The following KCNQ2 variants were observed in gnomAD, a reference collection of about 807,000 sequenced individuals.
KCNQ2 encodes the protein potassium voltage-gated channel subfamily KQT member 2.
A neutral mutation model predicts 84.8 loss-of-function variants in KCNQ2; 14 were observed. The observed-to-expected ratio is 0.17, with a 90% CI of 0.11 to 0.26. The LOEUF (loss-of-function observed/expected upper bound fraction) is 0.26, where lower values mean the gene tolerates loss of function less well. KCNQ2 is among the 10% of genes least tolerant of loss of function. KCNQ2 has a pLI of 1.00. For synonymous variants in KCNQ2, 599 were observed against 554.1 expected, an observed-to-expected ratio of 1.08 and a Z score of -1.14; for missense variants, 788 against 1,254.0, an observed-to-expected ratio of 0.63 and a Z score of 5.61.
chr20:63,416,783 T>TA (rs937416052), intron 12 of KCNQ2, among the ~76,000 whole-genome samples: 1 of 151,824 alleles, frequency 6.6e-6, no homozygotes, highest in Non-Finnish European at 1.5e-5. Flanking sequence ...GGCACAGAGA[T>TA]AACCAGCCAC....
In KCNQ2 at chr20:63,414,625, G is replaced by T. The variant is rs1275501170; in HGVS notation, c.1525+278C>A. Reference sequence around the variant, plus strand: ...GGGGAATGGGGTGACTACTGATGGGGTCATGGTTTCCTTCTGTGGTGATGA... The same window carrying T: ...GGGGAATGGGGTGACTACTGATGGGTTCATGGTTTCCTTCTGTGGTGATGA... On this transcript the variant is annotated intron_variant, in intron 13 of 16. Transcript: ENST00000359125. The surrounding 1 kb of genome is among the most constrained non-coding windows in gnomAD (Gnocchi z 6.6). Among the ~76,000 whole-genome samples the T allele has an allele frequency of 2.0e-5, 3 of 151,844 alleles. No individual in the cohort carries two copies. The highest frequency in any genetic ancestry group is 4.4e-5 in the Non-Finnish European group (3 of 67,990).
chr20:63,444,821 G>T lies in KCNQ2; in HGVS notation c.528C>A (p.Leu176=). The change falls in exon 4 of 17, where the codon CTC becomes CTA. Residue 176 remains leucine, a synonymous_variant. Transcript: ENST00000359125. ...KPFCVIDIMV[L]IASIAVLAAG... Reference sequence around the variant, plus strand: ...CGGCCAGCACCGCAATGGAGGCGATGAGCACCATGATGTCTACAAAGCGGG... The same window carrying T: ...CGGCCAGCACCGCAATGGAGGCGATTAGCACCATGATGTCTACAAAGCGGG... The T allele has an allele frequency of 6.2e-7, 1 of 1,601,220 alleles. No homozygotes were observed. The highest frequency in any genetic ancestry group is 2.3e-5 in the East Asian group (1 of 44,402).
At chr20:63,423,867 G>A (rs1236132470) in intron 11 of KCNQ2, 2 of 495,324 alleles carry the variant, frequency 4.0e-6, no homozygotes, top group Non-Finnish European at 7.3e-6. Context: ...GAGACCCCCT[G>A]CCTCCGAGAA....
In KCNQ2 at chr20:63,438,165, C is replaced by A. The variant is rs2081060180; in HGVS notation, c.1023+460G>T. 8.4e-6 allele frequency: 2 copies of A among 237,074 alleles called. No homozygotes were observed. The highest frequency in any genetic ancestry group is 1.7e-5 in the Non-Finnish European group (2 of 117,798). The allele number at this position is 237,074 out of a possible 1,614,324, so 14.7% of individuals were successfully genotyped here. The stretch of plus-strand genomic sequence containing the variant: ...AATTACTTGTGGATGCCACAGTGGT[C>A]ACTGCACGCTACCCACCCCCAAATG... On this transcript the variant is annotated intron_variant, in intron 7 of 16. Transcript: ENST00000359125. The surrounding 1 kb of genome is among the most constrained non-coding windows in gnomAD (Gnocchi z 5.1).
At position 63,432,193 on chromosome 20, in the gene KCNQ2, C is replaced by T. The variant is rs1278034166; in HGVS notation, c.1119-824G>A. Among the ~76,000 whole-genome samples the T allele has an allele frequency of 3.4e-5, 5 of 148,750 alleles. 1 individual carries two copies. The East Asian group carries it at 8.0e-4, about 24-fold the overall frequency. ...GGCCACACCCACAGGGAAGGCTCCA[C>T]CCTCTGGGAAGGATCCACCCACAGG... On this transcript the variant is annotated intron_variant, in intron 8 of 16. Coordinates refer to ENST00000359125, the MANE Select transcript of KCNQ2 (RefSeq NM_172107.4).
chr20:63,432,439 G>A, intron 8 of KCNQ2, among the ~76,000 whole-genome samples: 1 of 145,018 alleles, frequency 6.9e-6, no homozygotes. Context: ...CTCAGGGAAG[G>A]ATCCACCCAC....
Position 63,408,456 on chromosome 20 carries a change from T to G in KCNQ2, c.1844A>C (p.Glu615Ala). The change falls in exon 16 of 17, where the codon GAG becomes GCG. Residue 615 changes from glutamate to alanine, a missense_variant. By Grantham distance (107) the Glu-to-Ala change is moderately radical. This residue lies in a region of KCNQ2 where 378 missense variants were observed against 434.5 expected (regional missense o/e 0.87). Coordinates refer to ENST00000359125, the MANE Select transcript of KCNQ2 (RefSeq NM_172107.4). This position sits in a 1 kb window ranked among gnomAD's most constrained non-coding sequence, Gnocchi z 5.0. ...GAGCCGTCCCATCATGCTGGGGTCC[T>G]CGGGCAGCTCCGCCTCGGCCGGGCC... ...TKGPAEAELP[E>A]DPSMMGRLGK... The G allele has an allele frequency of 1.2e-6, 2 of 1,609,028 alleles. No individual in the cohort carries two copies. Among genetic ancestry groups the G allele is most frequent in the Non-Finnish European group, 1.7e-6 (2 of 1,178,784 alleles).
intron 9 of KCNQ2, among the ~76,000 whole-genome samples, chr20:63,428,701 G>T (rs1277768074): frequency 6.6e-6 from 1 of 152,150 alleles, no homozygotes; most frequent in Non-Finnish European, 1.5e-5. Flanking sequence ...GGAAGAGGGC[G>T]CCTGGCCACC....
intron 11 of KCNQ2, among the ~76,000 whole-genome samples, chr20:63,420,493 G>C (rs2080434140): frequency 7.0e-6 from 1 of 143,414 alleles, no homozygotes; most frequent in Non-Finnish European, 1.5e-5. Context: ...TGCTTCCTGA[G>C]ACAGCACTTC....
Position 63,407,740 on chromosome 20 carries a change from A to G in KCNQ2, c.1888-365T>C. On this transcript the variant is annotated intron_variant, in intron 16 of 16. Transcript: ENST00000359125. The surrounding 1 kb of genome is among the most constrained non-coding windows in gnomAD (Gnocchi z 7.2). ...TGGGCTGGTCCCAGGAGGTGGGGGGACCTGGGTTGCTCCCTGGAGAGGTAC... is the reference window on the plus strand; with the variant it reads ...TGGGCTGGTCCCAGGAGGTGGGGGGGCCTGGGTTGCTCCCTGGAGAGGTAC... Among the ~76,000 whole-genome samples the G allele has an allele frequency of 7.6e-6, 1 of 132,040 alleles. No individual in the cohort carries two copies. Among genetic ancestry groups the G allele is most frequent in the South Asian group, 2.9e-4 (1 of 3,432 alleles). The allele number at this position is 132,040 out of a possible 152,430, so 86.6% of individuals were successfully genotyped here.
At chr20:63,423,970 G>A (rs983177498) in intron 11 of KCNQ2, 11 of 596,448 alleles carry the variant, frequency 1.8e-5, no homozygotes, top group South Asian at 5.8e-5. Flanking sequence ...AAGTAAAACC[G>A]AATCACTGGG....
intron 1 of KCNQ2, among the ~76,000 whole-genome samples, chr20:63,470,316 G>T (rs1038690360): frequency 6.6e-6 from 1 of 152,224 alleles, no homozygotes; most frequent in South Asian, 2.1e-4. Flanking sequence ...AGGCGGGGCT[G>T]TTCAGACGTT....
chr20:63,472,260 G>A lies in KCNQ2; in HGVS notation c.204C>T (p.Pro68=). 2 of 1,538,850 alleles carry A rather than the reference G, an allele frequency of 1.3e-6. No homozygotes were observed. Among genetic ancestry groups the A allele is most frequent in the Non-Finnish European group, 1.8e-6 (2 of 1,142,676 alleles). The change falls in exon 1 of 17, where the codon CCC becomes CCT. Residue 68 remains proline, a synonymous_variant. Coordinates refer to ENST00000359125, the MANE Select transcript of KCNQ2 (RefSeq NM_172107.4). ...RAGGAGAGKP[P]KRNAFYRKLQ... Reference sequence around the variant, plus strand: ...GCTTGCGGTAGAAGGCGTTGCGCTTGGGGGGCTTCCCGGCGCCCGCGCCGC... The same window carrying A: ...GCTTGCGGTAGAAGGCGTTGCGCTTAGGGGGCTTCCCGGCGCCCGCGCCGC...
chr20:63,446,294 C>G lies in KCNQ2; in HGVS notation c.387+453G>C, dbSNP rs199789776. On this transcript the variant is annotated intron_variant, in intron 2 of 16. Transcript: ENST00000359125. This position sits in a 1 kb window ranked among gnomAD's most constrained non-coding sequence, Gnocchi z 5.5. Reference sequence around the variant, plus strand: ...CAGTCTCCTTGAGGGCCCCCCACCCCGTTACCAACAGCAACACAGGAACTG... The same window carrying G: ...CAGTCTCCTTGAGGGCCCCCCACCCGGTTACCAACAGCAACACAGGAACTG... 2.9e-4 allele frequency: 75 copies of G among 257,068 alleles called. No individual in the cohort carries two copies. The highest frequency in any genetic ancestry group is 2.5e-3 in the East Asian group (23 of 9,208). The allele number at this position is 257,068 out of a possible 1,614,324, so 15.9% of individuals were successfully genotyped here. A position where few individuals can be genotyped will look rare whatever the true frequency, so the allele number is the denominator to read the frequency against.
At chr20:63,447,193 G>A (rs1250389229) in intron 1 of KCNQ2, among the ~76,000 whole-genome samples, 1 of 151,984 alleles carries the variant, frequency 6.6e-6, no homozygotes, top group Non-Finnish European at 1.5e-5. Flanking sequence ...TCAGTCAAAT[G>A]GGAACAGCAA....
chr20:63,464,775 C>T (rs1011176112), intron 1 of KCNQ2, among the ~76,000 whole-genome samples: 1 of 152,218 alleles, frequency 6.6e-6, no homozygotes, highest in Non-Finnish European at 1.5e-5. Context: ...GCACATTGAT[C>T]CGCATTCAAA....
chr20:63,472,123 G>A (rs1008921646), intron 1 of KCNQ2, 45 bp downstream of exon 1: 1 of 1,379,530 alleles, frequency 7.2e-7, no homozygotes, highest in African/African-American at 1.5e-5. Context: ...GTCGCCGATG[G>A]GGGTCGCCAT....
chr20:63,443,135 T>C (rs202138944), intron 4 of KCNQ2, among the ~76,000 whole-genome samples: 39,206 of 54,006 alleles, frequency 0.73, 13,437 homozygotes, highest in East Asian at 0.93. Context: ...ACCACCACCA[T>C]CATCACCACC....
intron 10 of KCNQ2, among the ~76,000 whole-genome samples, chr20:63,426,805 C>T (rs1177502179): frequency 4.6e-5 from 7 of 152,176 alleles, no homozygotes; most frequent in South Asian, 2.1e-4. Flanking sequence ...CTTCAACATC[C>T]GTGTCCCCAC....
Sources: allele counts gnomAD v4.1 joint callset (sites outside exome capture counted in the v4.1 genomes callset), GRCh38; gene constraint gnomAD v4.1.1; regional missense constraint gnomAD v4.1.1; non-coding constraint Gnocchi (gnomAD v3.1); transcripts MANE v1.5; gene names NCBI Gene and HGNC (gene_info 2026-07-23, HGNC 2026-07-21).